The following DCLRE1C variants were observed in gnomAD, a reference collection of about 807,000 sequenced individuals.
DCLRE1C encodes DNA cross-link repair 1C, also known as protein artemis.
DCLRE1C carries 47 observed loss-of-function variants against 61.4 expected under a neutral mutation model. The observed-to-expected ratio is 0.77, with a 90% CI of 0.61 to 0.98. The LOEUF is 0.98. Among genes scored for constraint, DCLRE1C ranks in the 50% least tolerant of loss-of-function variants. DCLRE1C has a pLI of 0.00. For missense variants in DCLRE1C, 858 were observed against 816.0 expected (o/e 1.05, Z -0.63); for synonymous variants, 337 against 287.6 (o/e 1.17, Z -1.74).
rs1437892966 is a variant in DCLRE1C at position 14,945,140 on chromosome 10, T to G, written c.211A>C (p.Thr71Pro). ...TTCCAAAATCTGTATTTCGGGCTCG[T>G]TAACAACAACTCCTTAGTCACAGGT... is the stretch of plus-strand genomic sequence containing the variant. ...CSPVTKELLL[T>P]SPKYRFWKKR... Residue 71 changes from threonine (T) to proline (P), a missense_variant, in exon 3 of 14, where the codon ACG (threonine) becomes CCG (proline). Physicochemically the swap from Thr to Pro is conservative, Grantham distance 38. Transcript: ENST00000378278. 10 of 1,612,860 alleles carry G rather than the reference T, an allele frequency of 6.2e-6. No individual in the cohort carries two copies. The highest frequency in any genetic ancestry group is 8.5e-6 in the Non-Finnish European group (10 of 1,179,628).
At chr10:14,914,893 TTG>T (rs1214805336) in intron 13 of DCLRE1C, among the ~76,000 whole-genome samples, 1 of 151,824 alleles carries the variant, frequency 6.6e-6, no homozygotes, top group East Asian at 1.9e-4. Context: ...TGAGCCAAGA[TTG>T]TGTGACTGCA....
rs184760933 is a variant in DCLRE1C at position 14,941,125 on chromosome 10, A to C, written c.247-1256T>G. On this transcript the variant is annotated intron_variant, in intron 3 of 13. Transcript: ENST00000378278. ...ACTCCTGACCTCAGGTGATCCCTCC[A>C]CCTCAGCCTCCCAAAGTGCTGCGAT... Among the ~76,000 whole-genome samples the C allele has an allele frequency of 4.6e-4, 70 of 152,128 alleles. No homozygotes were observed. The East Asian group carries it at 0.012, about 27-fold the overall frequency.
intron 11 of DCLRE1C, among the ~76,000 whole-genome samples, chr10:14,924,211 A>G (rs770826381): frequency 2.0e-5 from 3 of 152,202 alleles, no homozygotes; most frequent in Non-Finnish European, 4.4e-5. Flanking sequence ...CTCTCTCTCA[A>G]TAAGGAAGTG....
intron 1 of DCLRE1C, among the ~76,000 whole-genome samples, chr10:14,949,296 A>G (rs1842120356): frequency 6.6e-6 from 1 of 152,166 alleles, no homozygotes. Context: ...TGAGCCATCC[A>G]AGTCAATTTA....
At chr10:14,898,727 C>G (rs565577060) in exon 14 of DCLRE1C, 1 of 152,574 alleles carries the variant, frequency 6.6e-6, no homozygotes, top group Non-Finnish European at 1.5e-5. Context: ...TTCTTAAGAG[C>G]AGAACTGTAG....
chr10:14,936,419 A>G lies in DCLRE1C; in HGVS notation c.362+119T>C. 4.0e-6 allele frequency: 3 copies of G among 755,206 alleles called. No individual in the cohort carries two copies. In the South Asian group the frequency reaches 4.6e-5, roughly 12 times the overall value. 46.8% of individuals were successfully genotyped at this position (755,206 alleles called of 1,614,324 possible). ...CGCGTCAGCCTCCCAAAGCACTGGG[A>G]TTACAGACATGTGCCACTGCACCCA... On this transcript the variant is annotated intron_variant, in intron 5 of 13. Transcript: ENST00000378278.
chr10:14,954,089 G>T lies in DCLRE1C; in HGVS notation c.-79C>A. On this transcript the variant is annotated 5_prime_UTR_variant, in exon 1 of 14. Transcript: ENST00000378278. The stretch of plus-strand genomic sequence containing the variant: ...CAGCCCTGACCGCGCCGCCACTTCC[G>T]GGAAGCCGCGCGCTGCCTCGCCATT... The T allele has an allele frequency of 3.7e-6, 6 of 1,600,866 alleles. No individual in the cohort carries two copies. Among genetic ancestry groups the T allele is most frequent in the Non-Finnish European group, 4.3e-6 (5 of 1,176,252 alleles).
intron 9 of DCLRE1C, among the ~76,000 whole-genome samples, chr10:14,931,337 G>A (rs1838949915): frequency 6.6e-6 from 1 of 152,038 alleles, no homozygotes; most frequent in Admixed American, 6.6e-5. Flanking sequence ...AAGGTGTGTG[G>A]TCACGAGGTT....
intron 13 of DCLRE1C, among the ~76,000 whole-genome samples, chr10:14,917,548 G>T (rs975025704): frequency 6.6e-6 from 1 of 152,028 alleles, no homozygotes; most frequent in Admixed American, 6.6e-5. Flanking sequence ...AATATGATGG[G>T]TGCAGTGGCT....
chr10:14,953,867 GC>G (rs2131237299), intron 1 of DCLRE1C, 34 bp downstream of exon 1: 1 of 1,612,420 alleles, frequency 6.2e-7, no homozygotes, highest in African/African-American at 1.3e-5. Flanking sequence ...AGCCCCCAGC[GC>G]CCCGGGAGCG....
In DCLRE1C at chr10:14,951,916, C is replaced by T. The variant is rs921514118; in HGVS notation, c.109+1986G>A. Among the ~76,000 whole-genome samples the T allele has an allele frequency of 5.3e-5, 8 of 152,092 alleles. No individual in the cohort carries two copies. The South Asian group carries it at 1.2e-3, about 24-fold the overall frequency. On this transcript the variant is annotated intron_variant, in intron 1 of 13. Transcript: ENST00000378278. The stretch of plus-strand genomic sequence containing the variant: ...ATCATAATCAAAGAAGCCTGTGTCC[C>T]AAAAAGGTGAAAAGCCAACAGAAGG...
At chr10:14,914,432 G>C (rs1160679901) in intron 13 of DCLRE1C, among the ~76,000 whole-genome samples, 1 of 152,132 alleles carries the variant, frequency 6.6e-6, no homozygotes, top group Non-Finnish European at 1.5e-5. Context: ...ATTACAACTG[G>C]AGATTGCAAC....
At chr10:14,950,755 T>A (rs140219282) in intron 1 of DCLRE1C, among the ~76,000 whole-genome samples, 1 of 152,338 alleles carries the variant, frequency 6.6e-6, no homozygotes, top group East Asian at 1.9e-4. Context: ...GCATGGTGCA[T>A]CATGGTCCCC....
intron 1 of DCLRE1C, among the ~76,000 whole-genome samples, chr10:14,951,751 T>C (rs1279682763): frequency 1.3e-5 from 2 of 152,162 alleles, no homozygotes; most frequent in East Asian, 3.8e-4. Flanking sequence ...CCTTCTCTTG[T>C]AAGGAAACTA....
At chr10:14,912,325 G>T (rs781399632) in intron 13 of DCLRE1C, among the ~76,000 whole-genome samples, 5 of 152,108 alleles carry the variant, frequency 3.3e-5, no homozygotes, top group Admixed American at 6.5e-5. Context: ...CAAAGTGCTG[G>T]GATTATAGGC....
chr10:14,902,595 A>T, downstream of DCLRE1C: 1 of 826,714 alleles, frequency 1.2e-6, no homozygotes, highest in South Asian at 2.3e-5. Flanking sequence ...TGGGACTCTT[A>T]TTATCAAGGT....
At chr10:14,919,400 C>T (rs1836728043) in intron 13 of DCLRE1C, among the ~76,000 whole-genome samples, 2 of 151,770 alleles carry the variant, frequency 1.3e-5, no homozygotes, top group Admixed American at 6.6e-5. Flanking sequence ...GGATAACAAA[C>T]CAGCCTCTCT....
rs377280459 is a variant in DCLRE1C, at chr10:14,942,715, G to A, written c.246+2390C>T. Among the ~76,000 whole-genome samples, 13 of 152,288 alleles carry A rather than the reference G, an allele frequency of 8.5e-5. No individual in the cohort carries two copies. The East Asian group carries it at 1.2e-3, about 14-fold the overall frequency. On this transcript the variant is annotated intron_variant, in intron 3 of 13. Transcript: ENST00000378278. ...GTAGCCCTGGTTTCCACTTTGGTGC[G>A]GGTTGGGCCTGGACATGCCTGGTTT... is the stretch of plus-strand genomic sequence containing the variant.
In DCLRE1C at chr10:14,926,977, G is replaced by T. The variant is rs1248439415; in HGVS notation, c.918-80C>A. On this transcript the variant is annotated intron_variant, in intron 10 of 13. Transcript: ENST00000378278. Reference sequence around the variant, plus strand: ...AGCAAAGCTGGCCCTTCTCATTTAGGCTATTCTAGCATGAAACCACTCTAA... The same window carrying T: ...AGCAAAGCTGGCCCTTCTCATTTAGTCTATTCTAGCATGAAACCACTCTAA... The T allele has an allele frequency of 9.8e-6, 12 of 1,220,794 alleles. No homozygotes were observed. The Admixed American group carries it at 1.5e-4, about 15-fold the overall frequency. 75.6% of individuals were successfully genotyped at this position (1,220,794 alleles called of 1,614,324 possible). A position where few individuals can be genotyped will look rare whatever the true frequency, so the allele number is the denominator to read the frequency against.
Sources: allele counts gnomAD v4.1 joint callset (sites outside exome capture counted in the v4.1 genomes callset), GRCh38; gene constraint gnomAD v4.1.1; transcripts MANE v1.5; gene names NCBI Gene and HGNC (gene_info 2026-07-23, HGNC 2026-07-21).